RELN: variants seen among roughly 807,000 people sequenced by gnomAD.
RELN encodes the protein reelin.
Under a neutral mutation model 427.6 loss-of-function variants are expected in RELN, and 108 were observed. The observed-to-expected ratio is 0.25, with a 90% CI of 0.22 to 0.30. The LOEUF is 0.30. RELN is among the 10% of genes least tolerant of loss of function. The pLI is 1.00. For synonymous variants in RELN, 1,524 were observed against 1,513.4 expected (o/e 1.01, Z -0.16); for missense variants, 3,715 against 4,302.8 (o/e 0.86, Z 3.82).
chr7:103,487,144 A>T (rs891994483), intron 60 of RELN, among the ~76,000 whole-genome samples: 4 of 152,202 alleles, frequency 2.6e-5, no homozygotes, highest in African/African-American at 9.6e-5. Flanking sequence ...TTCTCTGCAA[A>T]CTAACACAAG....
intron 46 of RELN, among the ~76,000 whole-genome samples, chr7:103,533,599 C>T (rs1829986515): frequency 6.6e-6 from 1 of 152,072 alleles, no homozygotes; most frequent in African/African-American, 2.4e-5. Context: ...GTACATGAGC[C>T]TTGAGGGTAA....
rs1454120263 is a variant in RELN at position 103,904,975 on chromosome 7, C to CTCTTTTT, written c.337+12099_337+12100insAAAAAGA. Among the ~76,000 whole-genome samples, 27 of 77,370 alleles carry CTCTTTTT rather than the reference C, an allele frequency of 3.5e-4. 2 individuals are homozygous for CTCTTTTT. The East Asian group carries it at 0.011, about 31-fold the overall frequency. 50.8% of individuals were successfully genotyped at this position (77,370 alleles called of 152,430 possible). The stretch of plus-strand genomic sequence containing the variant: ...ACTGCCAATCCCTTGAAGTTCTTTC[C>CTCTTTTT]TTTTTTTTTTTTTTTTTTTTTTTTT... On this transcript the variant is annotated intron_variant, in intron 2 of 64. Coordinates refer to ENST00000428762, the MANE Select transcript of RELN (RefSeq NM_005045.4).
chr7:103,755,614 AAAAT>A (rs1562993423), intron 4 of RELN, among the ~76,000 whole-genome samples: 2 of 139,986 alleles, frequency 1.4e-5, no homozygotes, highest in African/African-American at 5.6e-5. Flanking sequence ...TCTCAAAAAA[AAAAT>A]AAAAAAAATA....
intron 12 of RELN, among the ~76,000 whole-genome samples, chr7:103,657,163 C>G (rs1833039084): frequency 6.6e-6 from 1 of 151,924 alleles, no homozygotes. Flanking sequence ...CAATGTATAT[C>G]TCATCCTAAT....
chr7:103,830,343 T>C (rs991625843), intron 3 of RELN, among the ~76,000 whole-genome samples: 5 of 151,912 alleles, frequency 3.3e-5, no homozygotes, highest in Non-Finnish European at 4.4e-5. Context: ...TAAATAATGG[T>C]ATGAGTTAAC....
At chr7:103,905,490 T>A (rs562585313) in intron 2 of RELN, among the ~76,000 whole-genome samples, 71 of 152,058 alleles carry the variant, frequency 4.7e-4, no homozygotes, top group Middle Eastern at 3.2e-3. Flanking sequence ...TTTAGAAATA[T>A]CCTCAAACTT....
chr7:103,831,167 T>G (rs554457530), intron 3 of RELN, among the ~76,000 whole-genome samples: 1 of 152,164 alleles, frequency 6.6e-6, no homozygotes, highest in Non-Finnish European at 1.5e-5. Context: ...GATATAGATA[T>G]ACTTTGTGTT....
chr7:103,761,132 G>C (rs558269791), intron 4 of RELN, among the ~76,000 whole-genome samples: 4 of 152,118 alleles, frequency 2.6e-5, no homozygotes, highest in Non-Finnish European at 4.4e-5. Context: ...ACCTCAACTT[G>C]ATTTATGTCT....
At chr7:103,792,038 G>T (rs1792175944) in intron 3 of RELN, among the ~76,000 whole-genome samples, 2 of 152,052 alleles carry the variant, frequency 1.3e-5, no homozygotes, top group South Asian at 4.1e-4. Context: ...ACTCCCACAA[G>T]ATAGAATAAA....
intron 1 of RELN, among the ~76,000 whole-genome samples, chr7:103,930,515 G>A (rs941682912): frequency 6.6e-6 from 1 of 151,938 alleles, no homozygotes; most frequent in Non-Finnish European, 1.5e-5. Context: ...GCCCAGACTG[G>A]AGGGCAGTGG....
chr7:103,876,141 G>A (rs930478010), intron 2 of RELN, among the ~76,000 whole-genome samples: 2 of 152,104 alleles, frequency 1.3e-5, no homozygotes, highest in Non-Finnish European at 2.9e-5. Context: ...CTAACAATTG[G>A]TCATTACTGA....
intron 1 of RELN, among the ~76,000 whole-genome samples, chr7:103,928,085 G>A (rs1032166718): frequency 6.6e-6 from 1 of 152,012 alleles, no homozygotes. Flanking sequence ...CTGGATGAAA[G>A]GCAAACTAAA....
chr7:103,776,128 G>A (rs960850767), intron 4 of RELN, among the ~76,000 whole-genome samples: 2 of 152,098 alleles, frequency 1.3e-5, no homozygotes, highest in Non-Finnish European at 2.9e-5. Context: ...AATTAATAGT[G>A]CACACAGTTG....
chr7:103,640,851 T>C lies in RELN; in HGVS notation c.2003-242A>G, dbSNP rs543113928. Among the ~76,000 whole-genome samples the C allele has an allele frequency of 1.3e-5, 2 of 152,314 alleles. No homozygotes were observed. Among genetic ancestry groups the C allele is most frequent in the South Asian group, 2.1e-4 (1 of 4,824 alleles). On this transcript the variant is annotated intron_variant, in intron 16 of 64. Transcript: ENST00000428762. The surrounding 1 kb of genome is among the most constrained non-coding windows in gnomAD (Gnocchi z 4.1). Reference sequence around the variant, plus strand: ...TTTCATATCAAAGAAGATAGGAGCTTATGATTTGAATTCTTAATAGAGTCT... The same window carrying C: ...TTTCATATCAAAGAAGATAGGAGCTCATGATTTGAATTCTTAATAGAGTCT...
chr7:103,846,375 C>T (rs192558773), intron 2 of RELN, among the ~76,000 whole-genome samples: 35 of 152,162 alleles, frequency 2.3e-4, no homozygotes, highest in Admixed American at 1.4e-3. Context: ...GCTAGCCATA[C>T]GCAGAAAACT....
At position 103,989,335 on chromosome 7, in the gene RELN, G is replaced by T; in HGVS notation, c.22C>A (p.Arg8=). The T allele has an allele frequency of 6.4e-7, 1 of 1,564,876 alleles. No individual in the cohort carries two copies. Among genetic ancestry groups the T allele is most frequent in the African/African-American group, 1.4e-5 (1 of 71,256 alleles). MERSGWA[R]QTFLLALLLG... ...AACAGCGCTAGGAGGAAAGTCTGCC[G>T]GGCCCAGCCACTGCGCTCCATGCCG... The change falls in exon 1 of 65, where the codon CGG becomes AGG. Residue 8 remains arginine, a synonymous_variant. Coordinates refer to ENST00000428762, the MANE Select transcript of RELN (RefSeq NM_005045.4). This position sits in a 1 kb window ranked among gnomAD's most constrained non-coding sequence, Gnocchi z 4.9.
intron 2 of RELN, among the ~76,000 whole-genome samples, chr7:103,860,563 C>T (rs1794048889): frequency 6.6e-6 from 1 of 152,102 alleles, no homozygotes; most frequent in Non-Finnish European, 1.5e-5. Flanking sequence ...AAAATCCTCA[C>T]TGCAACTCTG....
intron 20 of RELN, among the ~76,000 whole-genome samples, chr7:103,617,529 CATATATGTGT>C (rs1318629548): frequency 6.6e-6 from 1 of 150,570 alleles, no homozygotes; most frequent in Non-Finnish European, 1.5e-5. Context: ...TATATATATG[CATATATGTGT>C]ATATATGTGT....
At chr7:103,909,364 A>G (rs1253566466) in intron 2 of RELN, among the ~76,000 whole-genome samples, 2 of 151,960 alleles carry the variant, frequency 1.3e-5, no homozygotes, top group Non-Finnish European at 2.9e-5. Flanking sequence ...ACAAAATAGT[A>G]AAAACTTCAT....
Sources: gnomAD v4.1 joint callset for allele counts (sites outside exome capture counted in the v4.1 genomes callset) on GRCh38, gnomAD v4.1.1 for gene constraint, Gnocchi (gnomAD v3.1) non-coding constraint, MANE v1.5 for transcripts, NCBI Gene and HGNC (gene_info 2026-07-23, HGNC 2026-07-21) for gene names.